The following RAB2A variants were observed in gnomAD, a reference collection of about 807,000 sequenced individuals.
RAB2A encodes the protein ras-related protein Rab-2A.
RAB2A carries 7 observed loss-of-function variants against 32.5 expected under a neutral mutation model. That is an observed-to-expected ratio of 0.22 (90% CI 0.12 to 0.40). The LOEUF (loss-of-function observed/expected upper bound fraction) is 0.40, where lower values mean the gene tolerates loss of function less well. Among genes scored for constraint, RAB2A ranks in the 10% least tolerant of loss-of-function variants. RAB2A has a pLI of 1.00. For synonymous variants in RAB2A, 79 were observed against 85.2 expected, an observed-to-expected ratio of 0.93 and a Z score of 0.40; for missense variants, 108 against 260.7, an observed-to-expected ratio of 0.41 and a Z score of 4.03.
chr8:60,577,469 T>A (rs1217300806), intron 3 of RAB2A, among the ~76,000 whole-genome samples: 1 of 152,226 alleles, frequency 6.6e-6, no homozygotes, highest in Non-Finnish European at 1.5e-5. Flanking sequence ...TAGTGCAGGT[T>A]GACTTTTTCA....
intron 1 of RAB2A, among the ~76,000 whole-genome samples, chr8:60,524,606 T>C (rs573701732): frequency 6.6e-6 from 1 of 152,368 alleles, no homozygotes; most frequent in East Asian, 1.9e-4. Context: ...TTCTAGATTC[T>C]CTCTCCTGTA....
chr8:60,583,116 C>T (rs1013753264), intron 3 of RAB2A, among the ~76,000 whole-genome samples: 74 of 147,982 alleles, frequency 5.0e-4, no homozygotes, highest in African/African-American at 1.6e-3. Flanking sequence ...GAGTGTTAAA[C>T]AGGGTAGAAT....
intron 6 of RAB2A, among the ~76,000 whole-genome samples, chr8:60,593,683 T>C (rs1458408708): frequency 1.3e-5 from 2 of 152,190 alleles, no homozygotes; most frequent in Non-Finnish European, 2.9e-5. Context: ...CATGTTTCAA[T>C]AGAAAATCAT....
At chr8:60,582,447 A>G (rs1452303684) in intron 3 of RAB2A, among the ~76,000 whole-genome samples, 4 of 152,220 alleles carry the variant, frequency 2.6e-5, no homozygotes, top group Non-Finnish European at 4.4e-5. Context: ...CCACTCAGCT[A>G]TGTGGGATGG....
At chr8:60,525,694 A>G (rs988813271) in intron 1 of RAB2A, among the ~76,000 whole-genome samples, 4 of 152,090 alleles carry the variant, frequency 2.6e-5, no homozygotes, top group Non-Finnish European at 2.9e-5. Context: ...GCCAAATCTA[A>G]GGGAGAAAAT....
At chr8:60,600,914 C>G (rs912763010) in intron 6 of RAB2A, among the ~76,000 whole-genome samples, 2 of 152,178 alleles carry the variant, frequency 1.3e-5, no homozygotes, top group African/African-American at 4.8e-5. Flanking sequence ...TATGAAGTCA[C>G]TACTGGGGGG....
At chr8:60,544,131 G>T (rs1158035992) in intron 1 of RAB2A, among the ~76,000 whole-genome samples, 2 of 135,512 alleles carry the variant, frequency 1.5e-5, no homozygotes, top group African/African-American at 2.8e-5. Flanking sequence ...TCTCACTGTT[G>T]CCCAGGCTGA....
chr8:60,588,555 T>C (rs1803884166), intron 5 of RAB2A, among the ~76,000 whole-genome samples: 2 of 152,128 alleles, frequency 1.3e-5, no homozygotes, highest in African/African-American at 2.4e-5. Flanking sequence ...TCAAAATAAT[T>C]ACAGAGTGAA....
At chr8:60,558,787 C>A (rs750726601) in intron 1 of RAB2A, 65 bp from the exon 2 acceptor site, 10 of 1,373,368 alleles carry the variant, frequency 7.3e-6, no homozygotes, top group Non-Finnish European at 2.1e-6. Flanking sequence ...TTTTCCATGT[C>A]CTTTTTGTAA....
chr8:60,516,923 C>T (rs1807211297), upstream of RAB2A: 3 of 297,114 alleles, frequency 1.0e-5, no homozygotes, highest in Non-Finnish European at 1.9e-5. Flanking sequence ...CCTCCGGCGG[C>T]GCCGGCGGCC....
At chr8:60,574,353 A>G (rs1024112046) in intron 3 of RAB2A, among the ~76,000 whole-genome samples, 3 of 152,206 alleles carry the variant, frequency 2.0e-5, no homozygotes, top group Non-Finnish European at 4.4e-5. Context: ...TGTATCCTGC[A>G]TTCTTAGCTT....
At chr8:60,564,830 C>T (rs1341682295) in intron 2 of RAB2A, among the ~76,000 whole-genome samples, 5 of 152,204 alleles carry the variant, frequency 3.3e-5, no homozygotes, top group African/African-American at 1.2e-4. Flanking sequence ...TTGTTTATTG[C>T]TGTATCTGCA....
At position 60,566,007 on chromosome 8, in the gene RAB2A, C is replaced by G. The variant is rs965997637; in HGVS notation, c.119-6039C>G. Among the ~76,000 whole-genome samples, 5 of 152,146 alleles carry G rather than the reference C, an allele frequency of 3.3e-5. 1 individual carries two copies. The highest frequency in any genetic ancestry group is 1.2e-4 in the African/African-American group (5 of 41,428). On this transcript the variant is annotated intron_variant, in intron 2 of 7. Transcript: ENST00000262646. ...GGATTACAGGCGTGAGCCACCATGCCTGGCCCTCTGTAGCTGATTTTTAAA... is the reference window on the plus strand; with the variant it reads ...GGATTACAGGCGTGAGCCACCATGCGTGGCCCTCTGTAGCTGATTTTTAAA...
Position 60,537,563 on chromosome 8 carries a change from T to A in RAB2A, c.46+20310T>A, listed in dbSNP as rs1807577211. Among the ~76,000 whole-genome samples, 3 of 152,254 alleles carry A rather than the reference T, an allele frequency of 2.0e-5. No homozygotes were observed. In the South Asian group the frequency reaches 6.2e-4, roughly 31 times the overall value. On this transcript the variant is annotated intron_variant, in intron 1 of 7. Transcript: ENST00000262646. ...TAATGCTAGTTCCAATCCACTAAATTGGTTTCATGACCTAACTAGTTATGG... is the reference window on the plus strand; with the variant it reads ...TAATGCTAGTTCCAATCCACTAAATAGGTTTCATGACCTAACTAGTTATGG...
chr8:60,596,793 C>T (rs1400941448), intron 6 of RAB2A, among the ~76,000 whole-genome samples: 1 of 151,978 alleles, frequency 6.6e-6, no homozygotes, highest in African/African-American at 2.4e-5. Context: ...TGGTGGCAGG[C>T]GCCTGTAGTC....
intron 5 of RAB2A, among the ~76,000 whole-genome samples, chr8:60,591,096 TAATA>T (rs1437612328): frequency 2.1e-4 from 31 of 144,968 alleles, no homozygotes; most frequent in Middle Eastern, 3.6e-3. Context: ...AAACATGTAA[TAATA>T]AATAATATAT....
chr8:60,584,285 T>C lies in RAB2A; in HGVS notation c.264T>C (p.Ile88=), dbSNP rs1261417690. 1 of 1,594,216 alleles carries C rather than the reference T, an allele frequency of 6.3e-7. No homozygotes were observed. The highest frequency in any genetic ancestry group is 1.7e-5 in the Admixed American group (1 of 59,984). Residue 88 remains isoleucine, a synonymous_variant, in exon 4 of 8, where the codon ATT becomes ATC. Coordinates refer to ENST00000262646, the MANE Select transcript of RAB2A (RefSeq NM_002865.3). ...CAGGAGCTTTACTAGTTTACGATAT[T>C]ACACGGTGAGAACTTGAAAACTTTG... is the stretch of plus-strand genomic sequence containing the variant. ...GAAGALLVYD[I]TRRDTFNHLT...
chr8:60,602,268 G>T lies in RAB2A; in HGVS notation c.474+10299G>T, dbSNP rs369429139. Among the ~76,000 whole-genome samples, 59 of 152,250 alleles carry T rather than the reference G, an allele frequency of 3.9e-4. 3 individuals carry two copies. The South Asian group carries it at 0.012, about 30-fold the overall frequency. ...ATCTAGTTTTAGAAGTTACCACCGTGTAGACATTTTGAGTCTTATATCCCA... is the reference window on the plus strand; with the variant it reads ...ATCTAGTTTTAGAAGTTACCACCGTTTAGACATTTTGAGTCTTATATCCCA... On this transcript the variant is annotated intron_variant, in intron 6 of 7. Coordinates refer to ENST00000262646, the MANE Select transcript of RAB2A (RefSeq NM_002865.3).
rs545118064 is a variant in RAB2A at position 60,550,419 on chromosome 8, C to T, written c.47-8433C>T. 5.9e-5 allele frequency among the ~76,000 whole-genome samples: 9 copies of T among 151,832 alleles called. No homozygotes were observed. In the South Asian group the frequency reaches 1.9e-3, roughly 32 times the overall value. ...TTTTTTTTTGAGGCAGGGTCTCACT[C>T]CATCATCCAGGCTGAAGTGCAGTGG... On this transcript the variant is annotated intron_variant, in intron 1 of 7. Coordinates refer to ENST00000262646, the MANE Select transcript of RAB2A (RefSeq NM_002865.3).
Sources: gnomAD v4.1 joint callset for allele counts (sites outside exome capture counted in the v4.1 genomes callset) on GRCh38, gnomAD v4.1.1 for gene constraint, MANE v1.5 for transcripts, NCBI Gene and HGNC (gene_info 2026-07-23, HGNC 2026-07-21) for gene names.